The following TRPM2 variants were observed in gnomAD, a reference collection of about 807,000 sequenced individuals.
TRPM2 encodes transient receptor potential cation channel subfamily M member 2.
TRPM2 carries 161 observed loss-of-function variants against 174.0 expected under a neutral mutation model. The observed-to-expected ratio is 0.93, with a 90% CI of 0.81 to 1.05. TRPM2 has a LOEUF of 1.05. Among genes scored for constraint, TRPM2 ranks in the 50% least tolerant of loss-of-function variants. TRPM2 has a pLI of 0.00. For missense variants in TRPM2, 2,057 were observed against 2,038.0 expected (o/e 1.01, Z -0.18); for synonymous variants, 954 against 861.3 (o/e 1.11, Z -1.88).
intron 27 of TRPM2, among the ~76,000 whole-genome samples, chr21:44,429,760 C>T (rs2050961046): frequency 6.6e-6 from 1 of 152,062 alleles, no homozygotes; most frequent in East Asian, 1.9e-4. Flanking sequence ...TATTGTCTTT[C>T]TCCTTACAAT....
rs189267640 is a variant in TRPM2 at position 44,375,760 on chromosome 21, G to A, written c.772-73G>A. ...CTGGGACCTGGTCTCTGTGAGGGCC[G>A]GTGTTCAGCCTGCTCGCGTTAGAGA... On this transcript the variant is annotated intron_variant, in intron 5 of 31. Coordinates refer to ENST00000397928, the MANE Select transcript of TRPM2 (RefSeq NM_003307.4). 35 of 1,497,202 alleles carry A rather than the reference G, an allele frequency of 2.3e-5. No homozygotes were observed. In the East Asian group the frequency reaches 4.1e-4, roughly 17 times the overall value. The allele number at this position is 1,497,202 out of a possible 1,614,324, so 92.7% of individuals were successfully genotyped here.
chr21:44,408,878 G>A (rs766114151), intron 19 of TRPM2, among the ~76,000 whole-genome samples: 14 of 151,896 alleles, frequency 9.2e-5, no homozygotes, highest in East Asian at 1.9e-4. Context: ...GGCTGGTCTC[G>A]ATCTCCTGAC....
chr21:44,429,278 C>CTTTTTTTTTTTTTTTTTTTTTTTTTT (rs35708355), intron 27 of TRPM2, among the ~76,000 whole-genome samples: 3 of 44,192 alleles, frequency 6.8e-5, no homozygotes, highest in African/African-American at 8.6e-5. Context: ...TTTTCTTTTT[C>CTTTTTTTTTTTTTTTTTTTTTTTTTT]TTTTTTTTTT....
chr21:44,379,307 T>C (rs1333894618), intron 8 of TRPM2, 110 bp downstream of exon 8: 4 of 1,297,858 alleles, frequency 3.1e-6, no homozygotes, highest in Middle Eastern at 3.9e-4. Flanking sequence ...ACCCACTGGG[T>C]CTGAGTGGGT....
rs145770865 is a variant in TRPM2 at position 44,364,257 on chromosome 21, C to T, written c.398C>T (p.Thr133Met). 3.7e-5 allele frequency: 59 copies of T among 1,614,208 alleles called. No individual in the cohort carries two copies. Among genetic ancestry groups the T allele is most frequent in the African/African-American group, 3.1e-4 (23 of 75,064 alleles). The change falls in exon 3 of 32, where the codon ACG becomes ATG. Residue 133 changes from threonine (T) to methionine (M), a missense_variant. By Grantham distance (81) the Thr-to-Met change is moderately conservative. Transcript: ENST00000397928. ...GATGCCTTTGGCGACATCGTCTTCA[C>T]GGGCCTGAGCCAGAAGGTGAAAAAG... The part of the protein sequence containing the change: ...PTDAFGDIVF[T>M]GLSQKVKKYV...
At chr21:44,353,066 G>T (rs1236722644), upstream of TRPM2, among the ~76,000 whole-genome samples, 1 of 152,246 alleles carries the variant, frequency 6.6e-6, no homozygotes, top group Non-Finnish European at 1.5e-5. Flanking sequence ...TAAGGCAGGA[G>T]AATCACTTGA....
chr21:44,369,247 C>T lies in TRPM2; in HGVS notation c.675C>T (p.Phe225=), dbSNP rs371516222. The change falls in exon 5 of 32, where the codon TTC becomes TTT. Residue 225 remains phenylalanine (F), a synonymous_variant. Coordinates refer to ENST00000397928, the MANE Select transcript of TRPM2 (RefSeq NM_003307.4). ...MKQVGEAVRD[F]SLSSSYKEGE... ...AGGTAGGCGAGGCGGTGCGGGACTTCAGCCTGAGCAGCAGCTACAAGGAAG... is the reference window on the plus strand; with the variant it reads ...AGGTAGGCGAGGCGGTGCGGGACTTTAGCCTGAGCAGCAGCTACAAGGAAG... 9 of 1,613,754 alleles carry T rather than the reference C, an allele frequency of 5.6e-6. No homozygotes were observed. The East Asian group carries it at 8.9e-5, about 16-fold the overall frequency.
intron 5 of TRPM2, among the ~76,000 whole-genome samples, chr21:44,375,325 C>G (rs535357309): frequency 1.3e-5 from 2 of 152,374 alleles, no homozygotes; most frequent in African/African-American, 4.8e-5. Flanking sequence ...GGTTTCAATG[C>G]CACTTCCACA....
intron 15 of TRPM2, among the ~76,000 whole-genome samples, chr21:44,401,321 G>A (rs2049609319): frequency 6.6e-6 from 1 of 152,188 alleles, no homozygotes; most frequent in African/African-American, 2.4e-5. Context: ...AGCGTCCACT[G>A]AGCACTGGGA....
In TRPM2 at chr21:44,433,000, C is replaced by G. The variant is rs1487807783; in HGVS notation, c.3975-2131C>G. Among the ~76,000 whole-genome samples, 1 of 152,064 alleles carries G rather than the reference C, an allele frequency of 6.6e-6. No individual in the cohort carries two copies. The highest frequency in any genetic ancestry group is 1.5e-5 in the Non-Finnish European group (1 of 68,016). On this transcript the variant is annotated intron_variant, in intron 27 of 31. Transcript: ENST00000397928. The surrounding 1 kb of genome is among the most constrained non-coding windows in gnomAD (Gnocchi z 4.9). ...AGATCATGACCGGGGGATCAGAGAT[C>G]AGGGCACAGTGAGAGCAGCTGAAGA... is the stretch of plus-strand genomic sequence containing the variant.
intron 7 of TRPM2, among the ~76,000 whole-genome samples, chr21:44,378,617 C>T (rs2048779995): frequency 6.6e-6 from 1 of 152,228 alleles, no homozygotes; most frequent in East Asian, 1.9e-4. Flanking sequence ...AAGTCCAGCA[C>T]ACCCTGGAGC....
At chr21:44,377,575 G>A in intron 6 of TRPM2, 137 bp from the exon 7 acceptor site, 3 of 1,170,566 alleles carry the variant, frequency 2.6e-6, no homozygotes, top group Non-Finnish European at 3.7e-6. Flanking sequence ...GGGGGCAGGG[G>A]AGAGTGCCCT....
At chr21:44,371,258 G>A (rs779395276) in intron 5 of TRPM2, among the ~76,000 whole-genome samples, 6 of 149,830 alleles carry the variant, frequency 4.0e-5, no homozygotes, top group Non-Finnish European at 7.4e-5. Context: ...CTCTGCCTCC[G>A]TGTCCCGTGG....
rs1034973508 is a variant in TRPM2 at position 44,393,287 on chromosome 21, C to G, written c.1794+1662C>G. On this transcript the variant is annotated intron_variant, in intron 11 of 31. Coordinates refer to ENST00000397928, the MANE Select transcript of TRPM2 (RefSeq NM_003307.4). ...ATTAAGGTTTTACAAAGCAAAGCAT[C>G]GATGCCTTTGAGAAGATTGAGCTCC... Among the ~76,000 whole-genome samples the G allele has an allele frequency of 3.3e-5, 5 of 152,048 alleles. No individual in the cohort carries two copies. The South Asian group carries it at 8.3e-4, about 25-fold the overall frequency.
At chr21:44,441,094 C>A (rs1043264884) in intron 31 of TRPM2, among the ~76,000 whole-genome samples, 189 bp downstream of exon 31, 1 of 152,128 alleles carries the variant, frequency 6.6e-6, no homozygotes, top group Non-Finnish European at 1.5e-5. Context: ...CGAGGGCTTC[C>A]AAGGGAGGGA....
At chr21:44,403,716 T>C (rs992909832) in intron 16 of TRPM2, among the ~76,000 whole-genome samples, 14 of 142,456 alleles carry the variant, frequency 9.8e-5, no homozygotes, top group African/African-American at 3.9e-4. Context: ...CATACACACA[T>C]ATGCATGGAC....
chr21:44,421,186 C>A (rs977874596), intron 22 of TRPM2, among the ~76,000 whole-genome samples: 10 of 152,082 alleles, frequency 6.6e-5, no homozygotes, highest in Non-Finnish European at 1.0e-4. Context: ...GGTGTGGTGG[C>A]GTGCGCTTGT....
chr21:44,351,372 C>T (rs2122996940), upstream of TRPM2, among the ~76,000 whole-genome samples: 4 of 152,224 alleles, frequency 2.6e-5, no homozygotes, highest in Non-Finnish European at 4.4e-5. Context: ...CCTGGGGCTC[C>T]ACTGCCCCCT....
chr21:44,425,427 C>T (rs1018293353), intron 24 of TRPM2: 77 of 454,992 alleles, frequency 1.7e-4, no homozygotes, highest in Admixed American at 1.0e-3. Flanking sequence ...TGCCGAGGGC[C>T]CTGACTGCCG....
Sources: gnomAD v4.1 joint callset for allele counts (sites outside exome capture counted in the v4.1 genomes callset) on GRCh38, gnomAD v4.1.1 for gene constraint, Gnocchi (gnomAD v3.1) non-coding constraint, MANE v1.5 for transcripts, NCBI Gene and HGNC (gene_info 2026-07-23, HGNC 2026-07-21) for gene names.